The following TPD52 variants were observed in gnomAD, a reference collection of about 807,000 sequenced individuals.
TPD52 encodes prostate and colon associated protein.
TPD52 carries 17 observed loss-of-function variants against 31.3 expected under a neutral mutation model. That is an observed-to-expected ratio of 0.54 (90% CI 0.37 to 0.82). The LOEUF is 0.82. TPD52 is among the 40% of genes least tolerant of loss of function. The pLI is 0.00. For missense variants in TPD52, 212 were observed against 240.1 expected, an observed-to-expected ratio of 0.88 and a Z score of 0.77; for synonymous variants, 83 against 89.6, an observed-to-expected ratio of 0.93 and a Z score of 0.42.
chr8:80,170,933 T>A (rs1030555582), intron 1 of TPD52: 7 of 337,582 alleles, frequency 2.1e-5, no homozygotes, highest in Non-Finnish European at 4.0e-5. Context: ...AAACCCCCCA[T>A]GGGTCATACG....
At chr8:80,084,724 T>C (rs1368698873) in intron 1 of TPD52, among the ~76,000 whole-genome samples, 2 of 152,216 alleles carry the variant, frequency 1.3e-5, no homozygotes, top group Admixed American at 1.3e-4. Flanking sequence ...TACTCAACCA[T>C]GCTTTAGCCA....
chr8:80,096,380 T>C (rs1192662528), intron 1 of TPD52, among the ~76,000 whole-genome samples: 1 of 152,032 alleles, frequency 6.6e-6, no homozygotes, highest in Non-Finnish European at 1.5e-5. Flanking sequence ...GCTTGGACTA[T>C]GGTCAAGGCT....
At chr8:80,170,896 T>G (rs887475039) in intron 1 of TPD52, 2 of 285,886 alleles carry the variant, frequency 7.0e-6, no homozygotes, top group African/African-American at 2.3e-5. Context: ...ATCTGGGGGT[T>G]TCTAGTATGA....
chr8:80,160,889 C>CAAAAAAAAAAAAAAA (rs58923055), intron 1 of TPD52, among the ~76,000 whole-genome samples: 13 of 95,040 alleles, frequency 1.4e-4, no homozygotes, highest in African/African-American at 3.9e-4. Context: ...ACTAAAAATA[C>CAAAAAAAAAAAAAAA]AAAAAAAAAA....
chr8:80,157,471 T>A (rs1238254792), intron 1 of TPD52, among the ~76,000 whole-genome samples: 1 of 151,990 alleles, frequency 6.6e-6, no homozygotes, highest in Non-Finnish European at 1.5e-5. Flanking sequence ...GGCCGATAGG[T>A]TTCCCCCTCA....
At chr8:80,079,136 C>T (rs892120541) in intron 1 of TPD52, among the ~76,000 whole-genome samples, 3 of 152,286 alleles carry the variant, frequency 2.0e-5, no homozygotes, top group South Asian at 4.1e-4. Flanking sequence ...TTAAATTATA[C>T]ATAAAATTTA....
chr8:80,142,160 C>T (rs539749852), intron 1 of TPD52, among the ~76,000 whole-genome samples: 2 of 152,272 alleles, frequency 1.3e-5, no homozygotes, highest in South Asian at 2.1e-4. Context: ...CTAACAGTGA[C>T]GTTATTCTGT....
At chr8:80,091,192 T>C (rs929001560) in intron 1 of TPD52, among the ~76,000 whole-genome samples, 3 of 152,124 alleles carry the variant, frequency 2.0e-5, no homozygotes, top group African/African-American at 7.2e-5. Context: ...CAAAAGAGGC[T>C]GGGCGCAGTG....
At chr8:80,082,331 T>A (rs1815378781) in intron 1 of TPD52, among the ~76,000 whole-genome samples, 1 of 152,180 alleles carries the variant, frequency 6.6e-6, no homozygotes, top group Non-Finnish European at 1.5e-5. Flanking sequence ...TGGAGTTATG[T>A]CCCTAGACTA....
downstream of TPD52, among the ~76,000 whole-genome samples, chr8:80,032,343 T>C (rs764211556): frequency 2.6e-5 from 4 of 152,110 alleles, no homozygotes; most frequent in Non-Finnish European, 4.4e-5. Flanking sequence ...GCATCCTCTG[T>C]AATAGTGATG....
chr8:80,135,713 T>A (rs1013844324), intron 1 of TPD52, among the ~76,000 whole-genome samples: 1 of 149,482 alleles, frequency 6.7e-6, no homozygotes, highest in East Asian at 2.0e-4. Flanking sequence ...TTCACAATAG[T>A]AAAGACTTGG....
chr8:80,148,317 A>AGT (rs34231994), intron 1 of TPD52, among the ~76,000 whole-genome samples: 15,248 of 143,918 alleles, frequency 0.11, 867 homozygotes, highest in South Asian at 0.22. Flanking sequence ...TTCCTGGCTA[A>AGT]GTGTGTGTGT....
chr8:80,170,894 G>T (rs1586442177), intron 1 of TPD52: 1 of 285,150 alleles, frequency 3.5e-6, no homozygotes, highest in Non-Finnish European at 6.8e-6. Flanking sequence ...CAATCTGGGG[G>T]TTTCTAGTAT....
intron 1 of TPD52, among the ~76,000 whole-genome samples, chr8:80,126,745 T>TG (rs1163746526): frequency 6.6e-6 from 1 of 152,070 alleles, no homozygotes; most frequent in Non-Finnish European, 1.5e-5. Flanking sequence ...AGCCTCCCTA[T>TG]GTGCTGGGAT....
intron 1 of TPD52, among the ~76,000 whole-genome samples, chr8:80,085,065 T>G (rs1815635056): frequency 6.6e-6 from 1 of 152,168 alleles, no homozygotes; most frequent in African/African-American, 2.4e-5. Flanking sequence ...ACAAATCAGG[T>G]TTGAAAGAAG....
rs138104408 is a variant in TPD52, at chr8:80,106,649, T to C, written c.20-42056A>G. The stretch of plus-strand genomic sequence containing the variant: ...GGGATTACAGACATGAGCCACTGTG[T>C]CCAGCCTCAAATAGTAGGTCTTACT... On this transcript the variant is annotated intron_variant, in intron 1 of 7. Transcript: ENST00000518937. 7.5e-4 allele frequency among the ~76,000 whole-genome samples: 113 copies of C among 149,880 alleles called. 2 individuals are homozygous for C. In the East Asian group the frequency reaches 0.018, roughly 25 times the overall value.
intron 1 of TPD52, among the ~76,000 whole-genome samples, chr8:80,165,868 C>A (rs916050788): frequency 7.1e-6 from 1 of 139,926 alleles, no homozygotes. Context: ...AATTCCTAGG[C>A]CTCGCCAGAA....
At chr8:80,142,156 G>A (rs7836507) in intron 1 of TPD52, among the ~76,000 whole-genome samples, 77,473 of 151,956 alleles carry the variant, frequency 0.51, 20,257 homozygotes, top group East Asian at 0.79. Context: ...GTCTCTAACA[G>A]TGACGTTATT....
chr8:80,147,513 A>C (rs2131176734), intron 1 of TPD52, among the ~76,000 whole-genome samples: 1 of 152,344 alleles, frequency 6.6e-6, no homozygotes, highest in Middle Eastern at 3.4e-3. Context: ...GCTAGCTACC[A>C]AAGGATGAAA....
Sources: allele counts gnomAD v4.1 joint callset (sites outside exome capture counted in the v4.1 genomes callset), GRCh38; gene constraint gnomAD v4.1.1; transcripts MANE v1.5; gene names NCBI Gene and HGNC (gene_info 2026-07-23, HGNC 2026-07-21).